The following MTUS1 variants were observed in gnomAD, a reference collection of about 807,000 sequenced individuals.
MTUS1 encodes microtubule-associated tumor suppressor 1.
MTUS1 carries 109 observed loss-of-function variants against 120.8 expected under a neutral mutation model. That is an observed-to-expected ratio of 0.90 (90% CI 0.77 to 1.06). MTUS1 has a LOEUF of 1.06. Ranked by LOEUF, MTUS1 falls within the 50% of genes least tolerant of loss-of-function variation. The pLI is 0.00. For missense variants in MTUS1, 2,210 were observed against 1,486.3 expected, an observed-to-expected ratio of 1.49 and a Z score of -8.01; for synonymous variants, 737 against 550.5, an observed-to-expected ratio of 1.34 and a Z score of -4.74.
intron 1 of MTUS1, among the ~76,000 whole-genome samples, chr8:17,757,433 A>T (rs1474953710): frequency 6.6e-6 from 1 of 152,350 alleles, no homozygotes; most frequent in East Asian, 1.9e-4. Flanking sequence ...TGGCTGCACA[A>T]TGTTATATAC....
intron 8 of MTUS1, among the ~76,000 whole-genome samples, chr8:17,660,794 A>C (rs976246418): frequency 6.6e-6 from 1 of 152,202 alleles, no homozygotes; most frequent in African/African-American, 2.4e-5. Flanking sequence ...GCCATATGAT[A>C]GAAATAAAAT....
chr8:17,653,302 G>A, intron 11 of MTUS1, 21 bp from the exon 12 acceptor site: 1 of 1,518,404 alleles, frequency 6.6e-7, no homozygotes, highest in South Asian at 1.2e-5. Flanking sequence ...ATGAAATGTG[G>A]AACTTAAGTT....
chr8:17,753,996 T>C lies in MTUS1; in HGVS notation c.1812A>G (p.Thr604=). 1.2e-6 allele frequency: 2 copies of C among 1,614,236 alleles called. No homozygotes were observed. Among genetic ancestry groups the C allele is most frequent in the Non-Finnish European group, 1.7e-6 (2 of 1,180,032 alleles). The part of the protein sequence containing the change: ...SKNASHRVPR[T]TSAVKSNQED... ...CCTGATTCGATTTCACGGCAGATGT[T>C]GTTCTTGGAACCCTGTGTGAAGCAT... Residue 604 remains threonine, a synonymous_variant, in exon 2 of 15, where the codon ACA becomes ACG. Coordinates refer to ENST00000693296, the MANE Select transcript of MTUS1 (RefSeq NM_001363059.2).
intron 1 of MTUS1, among the ~76,000 whole-genome samples, chr8:17,758,391 A>T (rs2048785758): frequency 1.3e-5 from 2 of 152,212 alleles, no homozygotes; most frequent in South Asian, 2.1e-4. Flanking sequence ...GAATCCAAAA[A>T]TGAAGGCTGC....
intron 4 of MTUS1, among the ~76,000 whole-genome samples, chr8:17,721,050 A>G (rs62499699): frequency 1.7e-4 from 26 of 152,226 alleles, no homozygotes; most frequent in Non-Finnish European, 2.9e-4. Context: ...CTAATTTTAC[A>G]ACAGCACTGT....
At chr8:17,728,468 T>C (rs1422079513) in intron 3 of MTUS1, among the ~76,000 whole-genome samples, 6 of 152,222 alleles carry the variant, frequency 3.9e-5, no homozygotes, top group African/African-American at 1.2e-4. Flanking sequence ...CTTACACAAG[T>C]ATTTATGTGC....
intron 1 of MTUS1, among the ~76,000 whole-genome samples, chr8:17,788,039 G>A (rs932184625): frequency 1.3e-5 from 2 of 152,078 alleles, no homozygotes; most frequent in Non-Finnish European, 2.9e-5. Context: ...GAGAATGGCT[G>A]GAACCCAGGA....
chr8:17,713,350 A>C, intron 5 of MTUS1, 98 bp from the exon 6 acceptor site: 1 of 787,660 alleles, frequency 1.3e-6, no homozygotes. Flanking sequence ...AAAACAATCA[A>C]TCGCTACATT....
chr8:17,648,552 G>A (rs919337249), intron 13 of MTUS1, among the ~76,000 whole-genome samples: 2 of 152,126 alleles, frequency 1.3e-5, no homozygotes, highest in Non-Finnish European at 2.9e-5. Context: ...GGCAGGAACT[G>A]GTATGTATAC....
intron 7 of MTUS1, among the ~76,000 whole-genome samples, chr8:17,683,333 CAAGTCTCATCCACT>C (rs1267953133): frequency 6.6e-6 from 1 of 152,038 alleles, no homozygotes; most frequent in African/African-American, 2.4e-5. Flanking sequence ...AGGCACAGAC[CAAGTCTCATCCACT>C]TCTCTCTCTC....
intron 4 of MTUS1, chr8:17,722,136 G>A (rs2045892906): frequency 8.2e-7 from 1 of 1,215,386 alleles, no homozygotes; most frequent in Non-Finnish European, 1.0e-6. Context: ...GGCTCTGTGG[G>A]TGTATGGTAA....
chr8:17,677,761 CTT>C (rs1204347485), intron 7 of MTUS1, among the ~76,000 whole-genome samples: 2 of 152,282 alleles, frequency 1.3e-5, no homozygotes, highest in East Asian at 1.9e-4. Flanking sequence ...ATCTTTCACT[CTT>C]TGTCTAAATG....
intron 1 of MTUS1, among the ~76,000 whole-genome samples, chr8:17,793,129 T>C (rs1325028676): frequency 6.6e-6 from 1 of 152,248 alleles, no homozygotes; most frequent in Non-Finnish European, 1.5e-5. Flanking sequence ...AATTGTCAAC[T>C]TGCGATTGTC....
At chr8:17,739,126 G>C (rs1221392930) in intron 3 of MTUS1, among the ~76,000 whole-genome samples, 1 of 152,056 alleles carries the variant, frequency 6.6e-6, no homozygotes, top group African/African-American at 2.4e-5. Context: ...CTGGACGACA[G>C]AGTGAAAATG....
At chr8:17,682,126 C>T (rs1814658389) in intron 7 of MTUS1, among the ~76,000 whole-genome samples, 1 of 152,148 alleles carries the variant, frequency 6.6e-6, no homozygotes, top group African/African-American at 2.4e-5. Flanking sequence ...AAGATTTAAT[C>T]AGCAGCGTGG....
At chr8:17,710,346 T>C (rs920159202) in intron 6 of MTUS1, among the ~76,000 whole-genome samples, 44 of 152,344 alleles carry the variant, frequency 2.9e-4, no homozygotes, top group Admixed American at 2.6e-3. Context: ...GTTTATGGAA[T>C]ATTCGGACTC....
chr8:17,703,626 C>T (rs1034520568), intron 6 of MTUS1, among the ~76,000 whole-genome samples: 1 of 102,326 alleles, frequency 9.8e-6, no homozygotes, highest in African/African-American at 3.8e-5. Flanking sequence ...CAGACTCTGT[C>T]TCAAAAAAAA....
intron 6 of MTUS1, among the ~76,000 whole-genome samples, chr8:17,687,351 A>G (rs1479797537): frequency 6.6e-6 from 1 of 152,138 alleles, no homozygotes. Flanking sequence ...AAAATCTCCA[A>G]TGACGCTCAA....
Position 17,755,469 on chromosome 8 carries a change from C to A in MTUS1, c.339G>T (p.Lys113Asn), listed in dbSNP as rs1470141604. ...GACAACTGTGTTGCAGATATTTGGG[C>A]TTCTCAGTACCTACAAGTGCAGGAC... ...CQCPALVGTE[K>N]PKYLQHSCHS... The change falls in exon 2 of 15, where the codon AAG becomes AAT. Residue 113 changes from lysine to asparagine, a missense_variant. Physicochemically the swap from Lys to Asn is moderately conservative, Grantham distance 94. Transcript: ENST00000693296. 1.2e-6 allele frequency: 2 copies of A among 1,614,092 alleles called. No individual in the cohort carries two copies. The highest frequency in any genetic ancestry group is 2.7e-5 in the African/African-American group (2 of 74,936).
Sources: allele counts gnomAD v4.1 joint callset (sites outside exome capture counted in the v4.1 genomes callset), GRCh38; gene constraint gnomAD v4.1.1; transcripts MANE v1.5; gene names NCBI Gene and HGNC (gene_info 2026-07-23, HGNC 2026-07-21).